RAB6B: variants seen among roughly 807,000 people sequenced by gnomAD.
The protein encoded by RAB6B is RAB6B, member RAS oncogene family.
Under a neutral mutation model 31.2 loss-of-function variants are expected in RAB6B, and 7 were observed. The ratio of observed to expected loss-of-function variants is 0.22; its 90% confidence interval spans 0.13 to 0.42. The LOEUF is 0.42. Among genes scored for constraint, RAB6B ranks in the 10% least tolerant of loss-of-function variants. The probability of loss-of-function intolerance (pLI) is 1.00; values close to 1 mark genes in which losing one functional copy is unlikely to be tolerated. For missense variants in RAB6B, 149 were observed against 280.6 expected, an observed-to-expected ratio of 0.53 and a Z score of 3.35; for synonymous variants, 105 against 104.9, an observed-to-expected ratio of 1.00 and a Z score of -0.01.
chr3:133,844,867 G>C (rs1310850974), intron 2 of RAB6B, among the ~76,000 whole-genome samples: 1 of 152,012 alleles, frequency 6.6e-6, no homozygotes, highest in African/African-American at 2.4e-5. Context: ...GCTTGAGGCT[G>C]GTGGGGCTGA....
chr3:133,859,525 T>G (rs1936129166), intron 2 of RAB6B, among the ~76,000 whole-genome samples: 1 of 151,992 alleles, frequency 6.6e-6, no homozygotes, highest in African/African-American at 2.4e-5. Context: ...CATCATTGGG[T>G]CCTACCTCAC....
intron 2 of RAB6B, among the ~76,000 whole-genome samples, chr3:133,851,157 TA>T (rs1320329126): frequency 8.5e-5 from 13 of 152,102 alleles, no homozygotes; most frequent in Admixed American, 2.0e-4. Flanking sequence ...CAAGAAATGT[TA>T]AAGGAAGCTG....
intron 1 of RAB6B, among the ~76,000 whole-genome samples, chr3:133,871,434 A>G (rs940170219): frequency 3.3e-5 from 5 of 152,258 alleles, no homozygotes; most frequent in Non-Finnish European, 7.3e-5. Flanking sequence ...AACGACAGTC[A>G]TGTGAGGCTG....
rs1010653521 is a variant in RAB6B at position 133,824,316 on chromosome 3, C to G, written c.*4472G>C. The G allele has an allele frequency of 2.6e-5, 4 of 152,328 alleles. No individual in the cohort carries two copies. The highest frequency in any genetic ancestry group is 5.9e-5 in the Non-Finnish European group (4 of 68,046). The allele number at this position is 152,328 out of a possible 1,614,324, so 9.4% of individuals were successfully genotyped here. ...CATTTTACACAGTTTAATGTGAAAT[C>G]AACATGGCGGCTATGTCTTCTGAGC... is the stretch of plus-strand genomic sequence containing the variant. On this transcript the variant is annotated 3_prime_UTR_variant, in exon 8 of 8. Coordinates refer to ENST00000285208, the MANE Select transcript of RAB6B (RefSeq NM_016577.4).
chr3:133,868,665 G>A (rs1168117839), intron 1 of RAB6B, among the ~76,000 whole-genome samples: 2 of 152,164 alleles, frequency 1.3e-5, no homozygotes, highest in Non-Finnish European at 2.9e-5. Context: ...CAATGTTCTT[G>A]TAATCTTCTG....
At chr3:133,832,072 G>A (rs757807641) in intron 7 of RAB6B, among the ~76,000 whole-genome samples, 13 of 152,156 alleles carry the variant, frequency 8.5e-5, no homozygotes, top group South Asian at 2.1e-4. Context: ...GGTTTGCGGC[G>A]TCACTGTCCT....
At chr3:133,832,391 TCTAGAC>T (rs1357680947) in intron 7 of RAB6B, among the ~76,000 whole-genome samples, 3 of 151,924 alleles carry the variant, frequency 2.0e-5, no homozygotes, top group African/African-American at 7.2e-5. Flanking sequence ...CAGCCCCCCA[TCTAGAC>T]CTGCAAGCAG....
At chr3:133,841,173 C>CACACACATGCGTGTGCACACACATGT (rs1935824136) in intron 4 of RAB6B, 112 bp downstream of exon 4, 15 of 703,548 alleles carry the variant, frequency 2.1e-5, no homozygotes, top group South Asian at 1.9e-4. Context: ...CACACACATG[C>CACACACATGCGTGTGCACACACATGT]GTGTGCACAC....
At chr3:133,864,713 T>C in intron 1 of RAB6B, 71 bp from the exon 2 acceptor site, 1 of 1,425,464 alleles carries the variant, frequency 7.0e-7, no homozygotes, top group Non-Finnish European at 9.9e-7. Flanking sequence ...ACACTGCATT[T>C]GAAGAAAAGA....
At chr3:133,839,826 G>A (rs576384963) in intron 4 of RAB6B, among the ~76,000 whole-genome samples, 1 of 152,294 alleles carries the variant, frequency 6.6e-6, no homozygotes, top group South Asian at 2.1e-4. Context: ...GGAGCCACTT[G>A]CACTGTTCAG....
chr3:133,839,334 T>A (rs1390593326), intron 5 of RAB6B, among the ~76,000 whole-genome samples, 172 bp downstream of exon 5: 2 of 152,196 alleles, frequency 1.3e-5, no homozygotes, highest in South Asian at 4.1e-4. Flanking sequence ...GAGATACCCA[T>A]GGATGAGAGT....
rs1029933033 is a variant in RAB6B at position 133,841,273 on chromosome 3, A to G, written c.289+12T>C. 1.2e-6 allele frequency: 2 copies of G among 1,613,824 alleles called. No homozygotes were observed. The highest frequency in any genetic ancestry group is 1.7e-6 in the Non-Finnish European group (2 of 1,179,740). On this transcript the variant is annotated intron_variant, in intron 4 of 7. Coordinates refer to ENST00000285208, the MANE Select transcript of RAB6B (RefSeq NM_016577.4). The stretch of plus-strand genomic sequence containing the variant: ...ATGAGCCACCCTCCCTTAGGAGCAG[A>G]GCCTCACTCACTTGTGATGTCGTAC...
rs1408116414 is a variant in RAB6B, at chr3:133,827,530, A to ATCTGG, written c.*1257_*1258insCCAGA. ...ATGGAAGAGATGGCTCTCTGGGGGC[A>ATCTGG]AGCAGCCTTCTGGAGACCCCACCTG... On this transcript the variant is annotated 3_prime_UTR_variant, in exon 8 of 8. Coordinates refer to ENST00000285208, the MANE Select transcript of RAB6B (RefSeq NM_016577.4). 5 of 215,112 alleles carry ATCTGG rather than the reference A, an allele frequency of 2.3e-5. No homozygotes were observed. In the South Asian group the frequency reaches 5.0e-4, roughly 22 times the overall value. 13.3% of individuals were successfully genotyped at this position (215,112 alleles called of 1,614,324 possible).
intron 2 of RAB6B, among the ~76,000 whole-genome samples, chr3:133,844,315 T>G (rs1935878160): frequency 6.6e-6 from 1 of 152,148 alleles, no homozygotes; most frequent in Non-Finnish European, 1.5e-5. Flanking sequence ...CTTCTCCAGC[T>G]CTCTCTTAAT....
At chr3:133,864,261 C>T (rs954334783) in intron 2 of RAB6B, among the ~76,000 whole-genome samples, 20 of 152,174 alleles carry the variant, frequency 1.3e-4, no homozygotes, top group Admixed American at 1.2e-3. Context: ...TCATTTTCAT[C>T]TTGTTCCTCT....
At chr3:133,864,891 T>C (rs1478612149) in intron 1 of RAB6B, among the ~76,000 whole-genome samples, 2 of 152,210 alleles carry the variant, frequency 1.3e-5, no homozygotes, top group Admixed American at 1.3e-4. Flanking sequence ...GGTATCCCAC[T>C]GCCCCATGGA....
chr3:133,837,544 T>A (rs1362694155), intron 6 of RAB6B, among the ~76,000 whole-genome samples: 1 of 152,162 alleles, frequency 6.6e-6, no homozygotes, highest in Non-Finnish European at 1.5e-5. Context: ...CGTCCTTCAG[T>A]GCTACGGACG....
At chr3:133,881,813 A>G (rs1044619312) in intron 1 of RAB6B, among the ~76,000 whole-genome samples, 6 of 152,232 alleles carry the variant, frequency 3.9e-5, no homozygotes, top group African/African-American at 1.4e-4. Context: ...GGACACTCCA[A>G]TGTCTTCTGT....
intron 1 of RAB6B, among the ~76,000 whole-genome samples, chr3:133,880,517 C>A (rs1252411065): frequency 2.0e-5 from 3 of 152,212 alleles, no homozygotes; most frequent in Non-Finnish European, 4.4e-5. Flanking sequence ...CTGATGCAGG[C>A]AAGGCATCAT....
Sources: allele counts gnomAD v4.1 joint callset (sites outside exome capture counted in the v4.1 genomes callset), GRCh38; gene constraint gnomAD v4.1.1; transcripts MANE v1.5; gene names NCBI Gene and HGNC (gene_info 2026-07-23, HGNC 2026-07-21).